LARGE1: variants seen among roughly 807,000 people sequenced by gnomAD.
LARGE1 encodes xylosyl- and glucuronyltransferase LARGE1.
In LARGE1, 43 loss-of-function variants were observed where a neutral mutation model predicts 87.6. The observed-to-expected ratio is 0.49, with a 90% CI of 0.38 to 0.63. The LOEUF is 0.63. Among genes scored for constraint, LARGE1 ranks in the 30% least tolerant of loss-of-function variants. The probability of loss-of-function intolerance (pLI) is 0.00; values close to 1 mark genes in which losing one functional copy is unlikely to be tolerated. For synonymous variants in LARGE1, 434 were observed against 394.6 expected (o/e 1.10, Z -1.18); for missense variants, 802 against 1,000.2 (o/e 0.80, Z 2.67).
At chr22:33,725,147 C>G (rs2083231162) in intron 2 of LARGE1, 1 of 153,678 alleles carries the variant, frequency 6.5e-6, no homozygotes, top group African/African-American at 2.4e-5. Flanking sequence ...GAGGCAGAGC[C>G]AGGAGGGCAG....
chr22:33,854,985 A>C (rs1374697568), intron 1 of LARGE1, among the ~76,000 whole-genome samples: 1 of 152,160 alleles, frequency 6.6e-6, no homozygotes. Flanking sequence ...GCAGAGAGAG[A>C]GAGCACTTTC....
chr22:33,261,633 G>A (rs1927630238), intron 11 of LARGE1, among the ~76,000 whole-genome samples: 1 of 151,308 alleles, frequency 6.6e-6, no homozygotes, highest in African/African-American at 2.4e-5. Context: ...ACCAAAACCA[G>A]CACTAAACCC....
intron 1 of LARGE1, among the ~76,000 whole-genome samples, chr22:33,775,165 C>A (rs1243154011): frequency 1.2e-4 from 19 of 152,210 alleles, no homozygotes; most frequent in Non-Finnish European, 2.2e-4. Context: ...CAGAGAAGGG[C>A]ACTGAGGTTC....
intron 6 of LARGE1, among the ~76,000 whole-genome samples, chr22:33,558,981 G>A (rs148216052): frequency 5.9e-5 from 9 of 152,288 alleles, no homozygotes; most frequent in Non-Finnish European, 2.9e-5. Flanking sequence ...CAAAGACCCC[G>A]TTAGCATTAT....
chr22:33,154,902 G>A, the LARGE1 span, among the ~76,000 whole-genome samples: 1 of 152,158 alleles, frequency 6.6e-6, no homozygotes, highest in South Asian at 2.1e-4. Flanking sequence ...TCTTTCCCAT[G>A]CTGTTCTTGT....
chr22:33,528,424 G>C (rs1431475766), intron 6 of LARGE1, among the ~76,000 whole-genome samples: 1 of 152,126 alleles, frequency 6.6e-6, no homozygotes, highest in African/African-American at 2.4e-5. Context: ...ATTTATAAAA[G>C]GAGACACGTG....
chr22:33,418,006 G>A (rs2147529999), intron 7 of LARGE1, among the ~76,000 whole-genome samples: 1 of 152,222 alleles, frequency 6.6e-6, no homozygotes, highest in East Asian at 1.9e-4. Context: ...GGAGTGCACT[G>A]GCACAATCTC....
chr22:33,821,499 T>C (rs899398458), intron 1 of LARGE1, among the ~76,000 whole-genome samples: 4 of 152,182 alleles, frequency 2.6e-5, no homozygotes, highest in Non-Finnish European at 5.9e-5. Context: ...TGACAAATGT[T>C]TGTCTGACTA....
chr22:33,397,248 TG>T, intron 7 of LARGE1, among the ~76,000 whole-genome samples: 1 of 152,188 alleles, frequency 6.6e-6, no homozygotes, highest in Non-Finnish European at 1.5e-5. Context: ...CCCGAGTAGC[TG>T]GGATAACAGG....
At chr22:33,190,317 C>T (rs1050543711) in intron 11 of LARGE1, among the ~76,000 whole-genome samples, 1 of 152,058 alleles carries the variant, frequency 6.6e-6, no homozygotes, top group African/African-American at 2.4e-5. Context: ...TGAATATTTC[C>T]TTCTTCAGAC....
At chr22:33,160,606 G>C (rs538564675), downstream of LARGE1, among the ~76,000 whole-genome samples, 1 of 152,344 alleles carries the variant, frequency 6.6e-6, no homozygotes, top group African/African-American at 2.4e-5. Context: ...CAGATGCTCT[G>C]TGTTGTCATG....
At chr22:33,396,152 G>A (rs542716586) in intron 7 of LARGE1, among the ~76,000 whole-genome samples, 9 of 152,342 alleles carry the variant, frequency 5.9e-5, no homozygotes, top group African/African-American at 1.2e-4. Context: ...TGGACACAGC[G>A]CAGCTGCTCA....
At chr22:33,782,850 T>A (rs1305038187) in intron 1 of LARGE1, among the ~76,000 whole-genome samples, 1 of 138,858 alleles carries the variant, frequency 7.2e-6, no homozygotes, top group Admixed American at 7.6e-5. Flanking sequence ...GGCAACAGAG[T>A]GAGACTCTGT....
At chr22:33,893,663 A>T (rs975397943) in intron 1 of LARGE1, among the ~76,000 whole-genome samples, 1 of 152,238 alleles carries the variant, frequency 6.6e-6, no homozygotes, top group African/African-American at 2.4e-5. Context: ...AGCTGTTGAA[A>T]TCAATCATTA....
chr22:33,550,178 T>TAC (rs1569260883), intron 6 of LARGE1, among the ~76,000 whole-genome samples: 1 of 105,550 alleles, frequency 9.5e-6, no homozygotes, highest in Admixed American at 8.9e-5. Context: ...CACACACACA[T>TAC]ATATATATAT....
intron 5 of LARGE1, among the ~76,000 whole-genome samples, chr22:33,582,028 G>A (rs921514228): frequency 2.0e-5 from 3 of 152,080 alleles, no homozygotes; most frequent in Non-Finnish European, 2.9e-5. Flanking sequence ...TGCCTAGAGC[G>A]TGGGGTCACC....
chr22:33,763,285 C>T (rs1023380001), intron 1 of LARGE1, among the ~76,000 whole-genome samples: 15 of 152,160 alleles, frequency 9.9e-5, no homozygotes, highest in Admixed American at 9.2e-4. Context: ...CTAATGGAGC[C>T]GATCACAACT....
At chr22:33,713,435 C>T (rs916845576) in intron 2 of LARGE1, among the ~76,000 whole-genome samples, 9 of 152,170 alleles carry the variant, frequency 5.9e-5, no homozygotes, top group African/African-American at 2.2e-4. Flanking sequence ...CTGGGAAGCA[C>T]ATCAATCACA....
the LARGE1 span, among the ~76,000 whole-genome samples, chr22:33,107,187 A>G: frequency 6.6e-6 from 1 of 152,282 alleles, no homozygotes; most frequent in African/African-American, 2.4e-5. Flanking sequence ...TCTTTCAAAC[A>G]TTTAAAAAAC....
Sources: gnomAD v4.1 joint callset for allele counts (sites outside exome capture counted in the v4.1 genomes callset) on GRCh38, gnomAD v4.1.1 for gene constraint, MANE v1.5 for transcripts, NCBI Gene and HGNC (gene_info 2026-07-23, HGNC 2026-07-21) for gene names.